The following SAMD7 variants were observed in gnomAD, a reference collection of about 807,000 sequenced individuals.
SAMD7 encodes sterile alpha motif domain containing 7.
SAMD7 carries 34 observed loss-of-function variants against 36.7 expected under a neutral mutation model. That is an observed-to-expected ratio of 0.93 (90% CI 0.71 to 1.23). The LOEUF is 1.23. Ranked by LOEUF, SAMD7 falls within the 50% of genes most tolerant of loss-of-function variation. The pLI, the probability that SAMD7 is intolerant of heterozygous loss-of-function variation, is 0.00. For missense variants in SAMD7, 570 were observed against 546.6 expected (o/e 1.04, Z -0.43); for synonymous variants, 188 against 189.7 (o/e 0.99, Z 0.07).
intron 7 of SAMD7, chr3:169,932,540 G>C: frequency 9.2e-6 from 5 of 544,532 alleles, no homozygotes. Flanking sequence ...GATCAAGCCT[G>C]TTACCATGGA....
intron 4 of SAMD7, among the ~76,000 whole-genome samples, chr3:169,922,491 A>T (rs1308487875): frequency 6.6e-6 from 1 of 152,042 alleles, no homozygotes; most frequent in Non-Finnish European, 1.5e-5. Context: ...CACATTTATC[A>T]CCTTTTTTGT....
In SAMD7 at chr3:169,921,237, C is replaced by T. The variant is rs1161284050; in HGVS notation, c.110C>T (p.Ala37Val). The T allele has an allele frequency of 1.2e-6, 2 of 1,613,846 alleles. No individual in the cohort carries two copies. Among genetic ancestry groups the T allele is most frequent in the African/African-American group, 2.7e-5 (2 of 74,918 alleles). Residue 37 changes from alanine to valine, a missense_variant, in exon 4 of 9, where the codon GCT (alanine) becomes GTT (valine). Transcript: ENST00000335556. Reference protein sequence around the residue: ...VDRDVLPSTVAPTDPRQFCVP... With the variant: ...VDRDVLPSTVVPTDPRQFCVP... ...AGAGATGTATTGCCTTCCACCGTAG[C>T]TCCAACTGACCCAAGACAGTTTTGC...
At chr3:169,932,221 G>C in intron 7 of SAMD7, 1 of 833,514 alleles carries the variant, frequency 1.2e-6, no homozygotes, top group Non-Finnish European at 2.0e-6. Context: ...CCAGTGGGTG[G>C]TTCCCCAGGA....
chr3:169,923,626 C>T (rs1228382505), intron 4 of SAMD7, among the ~76,000 whole-genome samples: 1 of 152,210 alleles, frequency 6.6e-6, no homozygotes, highest in Non-Finnish European at 1.5e-5. Context: ...CCTGTAGTCC[C>T]AGCTACTTGG....
chr3:169,923,895 T>G (rs1483133840), intron 4 of SAMD7, among the ~76,000 whole-genome samples: 1 of 152,214 alleles, frequency 6.6e-6, no homozygotes, highest in Non-Finnish European at 1.5e-5. Context: ...ACAACTGAAC[T>G]AACATTAAGT....
intron 7 of SAMD7, chr3:169,932,378 C>T (rs1386791477): frequency 3.1e-6 from 2 of 652,778 alleles, no homozygotes; most frequent in African/African-American, 3.6e-5. Flanking sequence ...GTTTTCGAAC[C>T]TAAGTAGTAT....
intron 7 of SAMD7, among the ~76,000 whole-genome samples, chr3:169,931,717 G>A (rs867680803): frequency 1.9e-4 from 29 of 152,186 alleles, no homozygotes; most frequent in Admixed American, 1.8e-3. Context: ...CTGGCTCAGC[G>A]CTGAGAGAGG....
chr3:169,932,250 A>G, intron 7 of SAMD7: 1 of 857,776 alleles, frequency 1.2e-6, no homozygotes, highest in Non-Finnish European at 1.9e-6. Context: ...GTGAAGAGAC[A>G]CCAGAGCTGG....
At chr3:169,932,640 C>A in intron 7 of SAMD7, 1 of 542,304 alleles carries the variant, frequency 1.8e-6, no homozygotes, top group Non-Finnish European at 3.7e-6. Context: ...TCAGCTTGTG[C>A]CGATGGAGAC....
At position 169,926,931 on chromosome 3, in the gene SAMD7, T is replaced by G; in HGVS notation, c.669T>G (p.Tyr223Ter). The G allele has an allele frequency of 6.2e-7, 1 of 1,614,008 alleles. No individual in the cohort carries two copies. ...THAVPYEEDH[Y>*]AKDPDIEAPS... ...CAGTTCCCTATGAAGAGGATCATTA[T>G]GCAAAAGACCCAGACATTGAAGCAC... The change falls in exon 6 of 9, where the codon TAT (tyrosine) becomes TAG (stop). Residue 223 changes from tyrosine (Y) to a stop codon, truncating the protein, a stop_gained. Transcript: ENST00000335556. LOFTEE classifies it high-confidence loss of function.
chr3:169,918,394 G>C (rs1036585627), intron 2 of SAMD7, among the ~76,000 whole-genome samples: 3 of 151,928 alleles, frequency 2.0e-5, no homozygotes, highest in African/African-American at 7.3e-5. Context: ...CCCATCCCAG[G>C]TAACCATTGT....
At chr3:169,938,038 T>C (rs1412431571) in intron 8 of SAMD7, among the ~76,000 whole-genome samples, 3 of 152,212 alleles carry the variant, frequency 2.0e-5, no homozygotes, top group Admixed American at 2.0e-4. Context: ...ACCATTACCG[T>C]CCTGACCTCA....
At chr3:169,913,663 A>T (rs185218240) in intron 1 of SAMD7, among the ~76,000 whole-genome samples, 3 of 152,332 alleles carry the variant, frequency 2.0e-5, no homozygotes, top group African/African-American at 7.2e-5. Flanking sequence ...TGGGATTACC[A>T]GACACGCTCT....
intron 3 of SAMD7, 92 bp from the exon 4 acceptor site, chr3:169,921,122 A>T: frequency 8.8e-7 from 1 of 1,140,150 alleles, no homozygotes; most frequent in Non-Finnish European, 1.3e-6. Context: ...AGAATCCCAT[A>T]TGGCAATAAC....
chr3:169,914,000 A>G (rs553975545), intron 1 of SAMD7, among the ~76,000 whole-genome samples: 2 of 152,358 alleles, frequency 1.3e-5, no homozygotes, highest in Admixed American at 6.5e-5. Context: ...GGGCAGTGCA[A>G]CTATTCTGTA....
chr3:169,933,834 C>A (rs573766540), intron 7 of SAMD7, among the ~76,000 whole-genome samples: 3 of 152,142 alleles, frequency 2.0e-5, no homozygotes, highest in Admixed American at 1.3e-4. Flanking sequence ...CACATCCATA[C>A]GAGCACGTTG....
chr3:169,932,750 A>G, intron 7 of SAMD7: 2 of 532,888 alleles, frequency 3.8e-6, no homozygotes, highest in Non-Finnish European at 7.4e-6. Context: ...CAAATTGGCC[A>G]GGTGGGAGTA....
intron 3 of SAMD7, 31 bp downstream of exon 3, chr3:169,919,615 A>G (rs1456491029): frequency 6.8e-7 from 1 of 1,459,916 alleles, no homozygotes; most frequent in South Asian, 1.1e-5. Context: ...AGTTTGATCA[A>G]AGAACAACAT....
At position 169,928,557 on chromosome 3, in the gene SAMD7, A is replaced by G. The variant is rs775167846; in HGVS notation, c.1020A>G (p.Pro340=). ...TGCACAGCTTCATTCGCAGCCTTCC[A>G]GGTTGTTCAGACTATGCTCAGGTGA... ...DDVHSFIRSL[P]GCSDYAQVFK... is the part of the protein sequence containing the mutation. The change falls in exon 7 of 9, where the codon CCA becomes CCG. Residue 340 remains proline, a synonymous_variant. Coordinates refer to ENST00000335556, the MANE Select transcript of SAMD7 (RefSeq NM_001304366.2). 1 of 1,614,024 alleles carries G rather than the reference A, an allele frequency of 6.2e-7. No individual in the cohort carries two copies. Among genetic ancestry groups the G allele is most frequent in the South Asian group, 1.1e-5 (1 of 91,054 alleles).
Sources: allele counts gnomAD v4.1 joint callset (sites outside exome capture counted in the v4.1 genomes callset), GRCh38; gene constraint gnomAD v4.1.1; transcripts MANE v1.5; gene names NCBI Gene and HGNC (gene_info 2026-07-23, HGNC 2026-07-21).